The following ASAP1 variants were observed in gnomAD, a reference collection of about 807,000 sequenced individuals.
ASAP1 encodes the protein arf-GAP with SH3 domain, ANK repeat and PH domain-containing protein 1.
Under a neutral mutation model 145.2 loss-of-function variants are expected in ASAP1, and 43 were observed. The ratio of observed to expected loss-of-function variants is 0.30; its 90% CI spans 0.23 to 0.38. The LOEUF is 0.38. Among genes scored for constraint, ASAP1 ranks in the 10% least tolerant of loss-of-function variants. ASAP1 has a pLI of 1.00. For missense variants in ASAP1, 1,018 were observed against 1,355.3 expected, an observed-to-expected ratio of 0.75 and a Z score of 3.91; for synonymous variants, 546 against 515.5, an observed-to-expected ratio of 1.06 and a Z score of -0.80.
intron 3 of ASAP1, among the ~76,000 whole-genome samples, chr8:130,337,335 T>A (rs1586855952): frequency 6.6e-6 from 1 of 152,292 alleles, no homozygotes; most frequent in East Asian, 1.9e-4. Context: ...TATTAATCAG[T>A]AATTGGGTTG....
At chr8:130,278,324 T>C (rs567203293) in intron 3 of ASAP1, among the ~76,000 whole-genome samples, 9 of 152,222 alleles carry the variant, frequency 5.9e-5, no homozygotes, top group Non-Finnish European at 1.0e-4. Flanking sequence ...TCTAGACATA[T>C]TTTATTAAAT....
At chr8:130,394,330 A>G (rs1011303916) in intron 2 of ASAP1, among the ~76,000 whole-genome samples, 25 of 152,252 alleles carry the variant, frequency 1.6e-4, no homozygotes, top group African/African-American at 3.8e-4. Context: ...GGGTGTGGCC[A>G]TCTTCTATGG....
intron 2 of ASAP1, among the ~76,000 whole-genome samples, chr8:130,398,546 G>GT (rs1828636847): frequency 6.6e-6 from 1 of 152,176 alleles, no homozygotes. Flanking sequence ...ATAGTAATAA[G>GT]TAACAGAAGT....
At chr8:130,279,955 G>T (rs1344289533) in intron 3 of ASAP1, among the ~76,000 whole-genome samples, 1 of 152,192 alleles carries the variant, frequency 6.6e-6, no homozygotes, top group Non-Finnish European at 1.5e-5. Context: ...TCAACTATGT[G>T]CCAGGTTAGA....
At chr8:130,272,889 TACAA>T (rs1820669777) in intron 3 of ASAP1, among the ~76,000 whole-genome samples, 2 of 151,996 alleles carry the variant, frequency 1.3e-5, no homozygotes, top group African/African-American at 4.8e-5. Flanking sequence ...GGTTAACGAG[TACAA>T]ACATACAATT....
chr8:130,064,970 G>T (rs1361662699), intron 27 of ASAP1, among the ~76,000 whole-genome samples: 1 of 150,002 alleles, frequency 6.7e-6, no homozygotes, highest in East Asian at 2.0e-4. Context: ...GGTCTCCCAG[G>T]CTCAAGCTAT....
intron 15 of ASAP1, among the ~76,000 whole-genome samples, chr8:130,130,257 G>A (rs2097581013): frequency 6.6e-6 from 1 of 152,184 alleles, no homozygotes; most frequent in African/African-American, 2.4e-5. Context: ...TTATAGATGA[G>A]GAAACTGAAG....
At chr8:130,422,305 G>A (rs1326336264) in intron 1 of ASAP1, among the ~76,000 whole-genome samples, 1 of 152,190 alleles carries the variant, frequency 6.6e-6, no homozygotes, top group Non-Finnish European at 1.5e-5. Context: ...GACCATCACA[G>A]TCACCTGGTG....
At chr8:130,096,542 A>G (rs879257246) in intron 24 of ASAP1, among the ~76,000 whole-genome samples, 5 of 152,236 alleles carry the variant, frequency 3.3e-5, no homozygotes, top group African/African-American at 7.2e-5. Context: ...AATAATGTCT[A>G]TATCTTCTTA....
At chr8:130,094,982 A>G (rs1038337375) in intron 24 of ASAP1, among the ~76,000 whole-genome samples, 32 of 152,332 alleles carry the variant, frequency 2.1e-4, no homozygotes, top group African/African-American at 7.5e-4. Context: ...GCTGCATTAT[A>G]TATGTATGAG....
intron 1 of ASAP1, among the ~76,000 whole-genome samples, chr8:130,403,554 CTTTTTTTTTT>C (rs372481861): frequency 8.0e-6 from 1 of 125,398 alleles, no homozygotes; most frequent in African/African-American, 3.1e-5. Context: ...TTTTCTTTTT[CTTTTTTTTTT>C]TTTTTTTGTG....
At chr8:130,293,436 G>A (rs147202962) in intron 3 of ASAP1, among the ~76,000 whole-genome samples, 2 of 152,282 alleles carry the variant, frequency 1.3e-5, no homozygotes, top group Admixed American at 6.5e-5. Context: ...TCATGCCCCA[G>A]CAAACCACTT....
chr8:130,204,029 G>A (rs571488290), intron 5 of ASAP1, among the ~76,000 whole-genome samples: 5 of 152,154 alleles, frequency 3.3e-5, no homozygotes, highest in African/African-American at 1.2e-4. Context: ...CTAGAGCACG[G>A]GTCCCCAGTC....
At chr8:130,056,165 G>T (rs1353468672) in intron 29 of ASAP1, among the ~76,000 whole-genome samples, 2 of 152,226 alleles carry the variant, frequency 1.3e-5, no homozygotes, top group East Asian at 3.8e-4. Flanking sequence ...GATTAATCAT[G>T]TCCTATTTTT....
At chr8:130,310,138 T>TGGGGGGGGGG (rs368989712) in intron 3 of ASAP1, among the ~76,000 whole-genome samples, 1 of 54,162 alleles carries the variant, frequency 1.8e-5, no homozygotes, top group Non-Finnish European at 3.5e-5. Context: ...CAGTTTTTTT[T>TGGGGGGGGGG]GGGGGGGGGA....
chr8:130,431,235 C>T (rs1196766989), intron 1 of ASAP1, among the ~76,000 whole-genome samples: 3 of 152,186 alleles, frequency 2.0e-5, no homozygotes, highest in Admixed American at 1.3e-4. Flanking sequence ...GCTTCCAGAC[C>T]CTGGCATCAA....
chr8:130,130,769 C>T (rs1468423115), intron 15 of ASAP1, among the ~76,000 whole-genome samples: 1 of 152,106 alleles, frequency 6.6e-6, no homozygotes, highest in African/African-American at 2.4e-5. Context: ...AGCCACTAAC[C>T]ACCATAGTGC....
intron 2 of ASAP1, among the ~76,000 whole-genome samples, chr8:130,368,226 TAGAC>T (rs904718300): frequency 2.0e-5 from 3 of 152,194 alleles, no homozygotes; most frequent in Non-Finnish European, 4.4e-5. Flanking sequence ...TATATTTACA[TAGAC>T]AGCAGAGAAC....
At chr8:130,427,854 A>C (rs1205396786) in intron 1 of ASAP1, 1 of 152,244 alleles carries the variant, frequency 6.6e-6, no homozygotes, top group Non-Finnish European at 1.5e-5. Context: ...CTGAGCCCCA[A>C]CAGAGGGATG....
Sources: gnomAD v4.1 joint callset for allele counts (sites outside exome capture counted in the v4.1 genomes callset) on GRCh38, gnomAD v4.1.1 for gene constraint, MANE v1.5 for transcripts, NCBI Gene and HGNC (gene_info 2026-07-23, HGNC 2026-07-21) for gene names.